The following ANGPTL1 variants were observed in gnomAD, a reference collection of about 807,000 sequenced individuals.
The protein encoded by ANGPTL1 is angiopoietin like 1, also known as angiopoietin-related protein 1.
A neutral mutation model predicts 46.7 loss-of-function variants in ANGPTL1; 36 were observed. That is an observed-to-expected ratio of 0.77 (90% confidence interval 0.59 to 1.02). The LOEUF (loss-of-function observed/expected upper bound fraction) is 1.02. ANGPTL1 is among the 50% of genes least tolerant of loss of function. ANGPTL1 has a pLI of 0.00. For missense variants in ANGPTL1, 571 were observed against 594.7 expected (o/e 0.96, Z 0.41); for synonymous variants, 221 against 204.3 (o/e 1.08, Z -0.69).
chr1:178,869,675 G>C (rs1658629397), intron 1 of ANGPTL1, among the ~76,000 whole-genome samples: 1 of 152,088 alleles, frequency 6.6e-6, no homozygotes, highest in East Asian at 1.9e-4. Context: ...AAATCTTTAA[G>C]GAAAGGACAC....
chr1:178,865,492 C>T lies in ANGPTL1; in HGVS notation c.285G>A (p.Gln95=). 1 of 1,614,100 alleles carries T rather than the reference C, an allele frequency of 6.2e-7. No homozygotes were observed. ...GTTGCAGAACATCTATCTCCCGCTT[C>T]TGCCTGGAGAGCACATCCTTCAGGT... ...LENLKDVLSR[Q]KREIDVLQLV... The change falls in exon 3 of 6, where the codon CAG becomes CAA. Residue 95 remains glutamine, a synonymous_variant. Transcript: ENST00000234816.
At position 178,865,044 on chromosome 1, in the gene ANGPTL1, A is replaced by T. The variant is rs1228370694; in HGVS notation, c.733T>A (p.Tyr245Asn). The T allele has an allele frequency of 6.7e-7, 1 of 1,497,648 alleles. No homozygotes were observed. The highest frequency in any genetic ancestry group is 8.9e-7 in the Non-Finnish European group (1 of 1,123,950). 92.8% of individuals were successfully genotyped at this position (1,497,648 alleles called of 1,614,324 possible). A position where few individuals can be genotyped will look rare whatever the true frequency, so the allele number is the denominator to read the frequency against. ...GGNEIQRDPG[Y>N]PRDLMPPPDL... The stretch of plus-strand genomic sequence containing the variant: ...GGTGGTGGCATTAAATCTCTGGGAT[A>T]ACCTGGATCCCTCTGAATCTCGTTA... Residue 245 changes from tyrosine to asparagine, a missense_variant, in exon 3 of 6, where the codon TAT becomes AAT. Physicochemically the swap from Tyr to Asn is moderately radical, Grantham distance 143 (BLOSUM62 -2). Transcript: ENST00000234816.
In ANGPTL1 at chr1:178,850,850, T is replaced by G; in HGVS notation, c.*279A>C. ...ATTTAAAATATAGCTAAGATTTGCT[T>G]TACATTGTGGCAAATATTTACATTT... On this transcript the variant is annotated 3_prime_UTR_variant, in exon 6 of 6. Transcript: ENST00000234816. The G allele has an allele frequency of 3.8e-6, 1 of 264,342 alleles. No individual in the cohort carries two copies. The highest frequency in any genetic ancestry group is 2.2e-5 in the African/African-American group (1 of 45,382). The allele number at this position is 264,342 out of a possible 1,614,324, so 16.4% of individuals were successfully genotyped here. A position where few individuals can be genotyped will look rare whatever the true frequency, so the allele number is the denominator to read the frequency against.
intron 3 of ANGPTL1, among the ~76,000 whole-genome samples, chr1:178,856,312 C>T (rs1158335449): frequency 2.1e-5 from 3 of 142,652 alleles, no homozygotes; most frequent in Admixed American, 7.1e-5. Context: ...ACCACAGCCT[C>T]GAACTTCTGG....
intron 3 of ANGPTL1, among the ~76,000 whole-genome samples, chr1:178,863,238 G>A (rs1276804764): frequency 6.6e-6 from 1 of 152,180 alleles, no homozygotes; most frequent in Non-Finnish European, 1.5e-5. Flanking sequence ...TCAGTGGACT[G>A]TGTATGGGGC....
chr1:178,865,396 G>C lies in ANGPTL1; in HGVS notation c.381C>G (p.Asn127Lys). ...KLLRKESRNM[N>K]SRVTQLYMQL... ...GCATATAGAGTTGAGTAACACGAGA[G>C]TTCATGTTACGGCTTTCCTTTCTCA... Residue 127 changes from asparagine (N) to lysine (K), a missense_variant, in exon 3 of 6, where the codon AAC becomes AAG. By Grantham distance (94) the Asn-to-Lys change is moderately conservative (BLOSUM62 0). Coordinates refer to ENST00000234816, the MANE Select transcript of ANGPTL1 (RefSeq NM_004673.4). The C allele has an allele frequency of 6.2e-7, 1 of 1,614,008 alleles. No individual in the cohort carries two copies. Among genetic ancestry groups the C allele is most frequent in the Non-Finnish European group, 8.5e-7 (1 of 1,179,952 alleles).
chr1:178,868,793 C>A (rs758346609), intron 2 of ANGPTL1, among the ~76,000 whole-genome samples: 84 of 151,694 alleles, frequency 5.5e-4, no homozygotes, highest in Admixed American at 1.2e-3. Flanking sequence ...TTAAAGGAGG[C>A]AACTAAAAGT....
intron 2 of ANGPTL1, 112 bp from the exon 3 acceptor site, chr1:178,865,914 T>C (rs537534691): frequency 3.3e-5 from 20 of 613,676 alleles, no homozygotes; most frequent in South Asian, 3.3e-4. Context: ...TATTTATTGG[T>C]GTTAATAGAT....
intron 3 of ANGPTL1, among the ~76,000 whole-genome samples, chr1:178,860,534 C>G (rs1377383416): frequency 6.6e-6 from 1 of 152,128 alleles, no homozygotes; most frequent in Non-Finnish European, 1.5e-5. Context: ...TCACCACCAT[C>G]CTTCTCCAGA....
Position 178,865,595 on chromosome 1 carries a change from G to T in ANGPTL1, c.182C>A (p.Thr61Lys). The change falls in exon 3 of 6, where the codon ACA (threonine) becomes AAA (lysine). Residue 61 changes from threonine (T) to lysine (K), a missense_variant. Physicochemically the swap from Thr to Lys is moderately conservative, Grantham distance 78. Transcript: ENST00000234816. ...YTFLVPEQRI[T>K]GPICVNTKGQ... Reference sequence around the variant, plus strand: ...CTTGGTGTTGACACAGATTGGCCCTGTTATTCTTTGTTCAGGTACCAGGAA... The same window carrying T: ...CTTGGTGTTGACACAGATTGGCCCTTTTATTCTTTGTTCAGGTACCAGGAA... The T allele has an allele frequency of 3.1e-6, 5 of 1,613,976 alleles. No homozygotes were observed. The highest frequency in any genetic ancestry group is 4.2e-6 in the Non-Finnish European group (5 of 1,179,934).
rs149644362 is a variant in ANGPTL1, at chr1:178,865,125, C to G, written c.652G>C (p.Val218Leu). 485 of 1,587,558 alleles carry G rather than the reference C, an allele frequency of 3.1e-4. No individual in the cohort carries two copies. Among genetic ancestry groups the G allele is most frequent in the Non-Finnish European group, 4.0e-4 (467 of 1,164,968 alleles). Residue 218 changes from valine to leucine, a missense_variant, in exon 3 of 6, where the codon GTG becomes CTG. Transcript: ENST00000234816. ...CTGTTAGGAATATGTTGTGGCACCACCTGGACAAGTGGGGGAGACACATGG... is the reference window on the plus strand; with the variant it reads ...CTGTTAGGAATATGTTGTGGCACCAGCTGGACAAGTGGGGGAGACACATGG... The part of the protein sequence containing the change: ...DTHVSPPLVQ[V>L]VPQHIPNSQQ...
Position 178,865,040 on chromosome 1 carries a change from G to T in ANGPTL1, c.737C>A (p.Pro246His). 1 of 1,496,250 alleles carries T rather than the reference G, an allele frequency of 6.7e-7. No individual in the cohort carries two copies. The highest frequency in any genetic ancestry group is 8.9e-7 in the Non-Finnish European group (1 of 1,123,300). 92.7% of individuals were successfully genotyped at this position (1,496,250 alleles called of 1,614,324 possible). ...ATCAGGTGGTGGCATTAAATCTCTG[G>T]GATAACCTGGATCCCTCTGAATCTC... is the stretch of plus-strand genomic sequence containing the variant. ...GNEIQRDPGYPRDLMPPPDLA... is the reference protein window; with the variant it reads ...GNEIQRDPGYHRDLMPPPDLA... Residue 246 changes from proline (P) to histidine (H), a missense_variant, in exon 3 of 6, where the codon CCC becomes CAC. Pro to His is a moderately conservative substitution (Grantham distance 77, BLOSUM62 -2). Coordinates refer to ENST00000234816, the MANE Select transcript of ANGPTL1 (RefSeq NM_004673.4).
chr1:178,857,921 CA>C (rs1657702181), intron 3 of ANGPTL1, among the ~76,000 whole-genome samples: 1 of 152,072 alleles, frequency 6.6e-6, no homozygotes, highest in Admixed American at 6.5e-5. Flanking sequence ...ATGTTTAAAG[CA>C]AAATAGAGAG....
rs1287673391 is a variant in ANGPTL1, at chr1:178,870,984, T to G, written c.-380A>C. ...GGAAGTTCTGGTCTGTGGGCCGTCT[T>G]TAATCCAGCAGAGAAAGCGTTGTGG... On this transcript the variant is annotated 5_prime_UTR_variant, in exon 1 of 6. Coordinates refer to ENST00000234816, the MANE Select transcript of ANGPTL1 (RefSeq NM_004673.4). 1 of 152,212 alleles carries G rather than the reference T, an allele frequency of 6.6e-6. No homozygotes were observed. Among genetic ancestry groups the G allele is most frequent in the Non-Finnish European group, 1.5e-5 (1 of 68,044 alleles). The allele number at this position is 152,212 out of a possible 1,614,324, so 9.4% of individuals were successfully genotyped here.
chr1:178,862,890 T>C (rs1464272301), intron 3 of ANGPTL1, among the ~76,000 whole-genome samples: 1 of 152,160 alleles, frequency 6.6e-6, no homozygotes, highest in East Asian at 1.9e-4. Context: ...CTGCTGGCAA[T>C]GTAAATATAT....
At chr1:178,853,480 A>T in intron 4 of ANGPTL1, 114 bp downstream of exon 4, 1 of 943,434 alleles carries the variant, frequency 1.1e-6, no homozygotes, top group Non-Finnish European at 1.5e-6. Context: ...ATGAAAAAAC[A>T]TATGGATAGT....
chr1:178,869,358 A>G (rs1427369076), intron 1 of ANGPTL1, 135 bp from the exon 2 acceptor site: 1 of 152,128 alleles, frequency 6.6e-6, no homozygotes, highest in Non-Finnish European at 1.5e-5. Context: ...CATTCAGGAT[A>G]TGTTAGATAA....
At chr1:178,870,363 C>T (rs545390064) in intron 1 of ANGPTL1, among the ~76,000 whole-genome samples, 15 of 152,260 alleles carry the variant, frequency 9.9e-5, no homozygotes, top group African/African-American at 2.4e-4. Flanking sequence ...ATTGTGTTCA[C>T]GACTATTTAG....
chr1:178,852,321 G>A (rs1257603057), intron 5 of ANGPTL1, among the ~76,000 whole-genome samples: 5 of 152,166 alleles, frequency 3.3e-5, no homozygotes, highest in Non-Finnish European at 7.4e-5. Context: ...AAGCTCCAAA[G>A]GGCGGGAACT....
Sources: allele counts gnomAD v4.1 joint callset (sites outside exome capture counted in the v4.1 genomes callset), GRCh38; gene constraint gnomAD v4.1.1; transcripts MANE v1.5; gene names NCBI Gene and HGNC (gene_info 2026-07-23, HGNC 2026-07-21).